Variants in SEMA5A observed in about 807,000 individuals in gnomAD.
The protein encoded by SEMA5A is semaphorin 5A, also known as semaphorin-5A.
Under a neutral mutation model 135.5 loss-of-function variants are expected in SEMA5A, and 55 were observed. The ratio of observed to expected loss-of-function variants is 0.41; its 90% CI spans 0.33 to 0.51. The LOEUF (loss-of-function observed/expected upper bound fraction) is 0.51, where lower values mean the gene tolerates loss of function less well. Among genes scored for constraint, SEMA5A ranks in the 20% least tolerant of loss-of-function variants. The pLI is 0.37. For synonymous variants in SEMA5A, 580 were observed against 546.5 expected, an observed-to-expected ratio of 1.06 and a Z score of -0.85; for missense variants, 1,290 against 1,419.9, an observed-to-expected ratio of 0.91 and a Z score of 1.47.
rs1156627710 is a variant in SEMA5A, at chr5:9,037,674, T to A, written c.*5223A>T. The A allele has an allele frequency of 6.6e-6, 1 of 152,214 alleles. No individual in the cohort carries two copies. Among genetic ancestry groups the A allele is most frequent in the Non-Finnish European group, 1.5e-5 (1 of 68,040 alleles). 9.4% of individuals were successfully genotyped at this position (152,214 alleles called of 1,614,324 possible). On this transcript the variant is annotated 3_prime_UTR_variant, in exon 23 of 23. Coordinates refer to ENST00000382496, the MANE Select transcript of SEMA5A (RefSeq NM_003966.3). ...TACCAAAAGAGAAAAGAAGCAAGGA[T>A]TAAAGCAACATATTTTCCTTTGCTT...
In SEMA5A at chr5:9,223,994, T is replaced by A; in HGVS notation, c.646+680A>T. On this transcript the variant is annotated intron_variant, in intron 8 of 22. Coordinates refer to ENST00000382496, the MANE Select transcript of SEMA5A (RefSeq NM_003966.3). ...TGCATGGATGAAAAGGGGAGAGGGA[T>A]GTGGCTCTTCTTCGAGTGGATGTTG... Among the ~76,000 whole-genome samples, 2 of 152,098 alleles carry A rather than the reference T, an allele frequency of 1.3e-5. 1 individual carries two copies. Among genetic ancestry groups the A allele is most frequent in the South Asian group, 4.1e-4 (2 of 4,824 alleles).
intron 3 of SEMA5A, among the ~76,000 whole-genome samples, chr5:9,379,498 T>C (rs1052782663): frequency 1.3e-5 from 2 of 152,202 alleles, no homozygotes; most frequent in African/African-American, 2.4e-5. Flanking sequence ...CTTGGTTTTG[T>C]TGTTATTTTT....
intron 1 of SEMA5A, chr5:9,511,280 C>T (rs1736194048): frequency 6.6e-6 from 1 of 152,080 alleles, no homozygotes; most frequent in Non-Finnish European, 1.5e-5. Flanking sequence ...ATGTGATGTT[C>T]CTCTTATCTC....
chr5:9,513,532 G>A (rs1005673656), intron 1 of SEMA5A, among the ~76,000 whole-genome samples: 6 of 152,126 alleles, frequency 3.9e-5, no homozygotes, highest in African/African-American at 1.4e-4. Context: ...GGAAAGGTTG[G>A]GAAGAAAGAG....
chr5:9,272,785 G>A (rs1750050719), intron 5 of SEMA5A, among the ~76,000 whole-genome samples: 1 of 152,094 alleles, frequency 6.6e-6, no homozygotes, highest in African/African-American at 2.4e-5. Flanking sequence ...AATGTTAGAA[G>A]GAACACTAAC....
intron 16 of SEMA5A, among the ~76,000 whole-genome samples, chr5:9,097,999 T>G (rs955110959): frequency 3.3e-5 from 5 of 152,050 alleles, no homozygotes; most frequent in Non-Finnish European, 7.4e-5. Context: ...ATCCCAGCAC[T>G]TTGGGAGGCT....
At position 9,201,852 on chromosome 5, in the gene SEMA5A, A is replaced by G. The variant is rs567618847; in HGVS notation, c.932+103T>C. 2.6e-5 allele frequency: 30 copies of G among 1,149,128 alleles called. No individual in the cohort carries two copies. In the South Asian group the frequency reaches 2.9e-4, roughly 11 times the overall value. 71.2% of individuals were successfully genotyped at this position (1,149,128 alleles called of 1,614,324 possible). The stretch of plus-strand genomic sequence containing the variant: ...GTCTGTTAGCCCAGTAAATTAAGAA[A>G]GATTTTCTCTAAAGTAAATTTAAAA... On this transcript the variant is annotated intron_variant, in intron 9 of 22. Transcript: ENST00000382496.
At chr5:9,495,428 A>C (rs1430359122) in intron 1 of SEMA5A, among the ~76,000 whole-genome samples, 2 of 152,202 alleles carry the variant, frequency 1.3e-5, no homozygotes, top group African/African-American at 2.4e-5. Context: ...TACCCACCCA[A>C]GCAAGACAGC....
chr5:9,323,790 T>G (rs1206078868), intron 4 of SEMA5A, among the ~76,000 whole-genome samples: 1 of 151,396 alleles, frequency 6.6e-6, no homozygotes, highest in Admixed American at 6.6e-5. Context: ...GCCTCCCCAG[T>G]AGCCAGGATT....
At chr5:9,069,265 C>A (rs997968740) in intron 16 of SEMA5A, among the ~76,000 whole-genome samples, 1 of 152,194 alleles carries the variant, frequency 6.6e-6, no homozygotes, top group Non-Finnish European at 1.5e-5. Flanking sequence ...GCTAGCCTTG[C>A]GAGCAGGCCT....
chr5:9,444,422 T>C (rs186442910), intron 1 of SEMA5A, among the ~76,000 whole-genome samples: 20 of 152,340 alleles, frequency 1.3e-4, no homozygotes, highest in East Asian at 5.8e-4. Flanking sequence ...CTCCCACTTA[T>C]GAATAAGAAT....
chr5:9,356,272 T>C (rs1046011016), intron 3 of SEMA5A, among the ~76,000 whole-genome samples: 2 of 152,200 alleles, frequency 1.3e-5, no homozygotes, highest in African/African-American at 4.8e-5. Flanking sequence ...TGCCTTCCAG[T>C]CAACCCACGT....
chr5:9,428,789 T>C (rs1204223573), intron 2 of SEMA5A, among the ~76,000 whole-genome samples: 1 of 152,132 alleles, frequency 6.6e-6, no homozygotes, highest in Non-Finnish European at 1.5e-5. Flanking sequence ...TATAGCACAA[T>C]CAGAAGGCTA....
chr5:9,392,686 A>G (rs1186986888), intron 2 of SEMA5A, among the ~76,000 whole-genome samples: 6 of 152,316 alleles, frequency 3.9e-5, no homozygotes, highest in African/African-American at 1.2e-4. Flanking sequence ...ACTGGAGGAC[A>G]GATTTTATTT....
At chr5:9,323,177 A>G (rs1752707074) in intron 4 of SEMA5A, among the ~76,000 whole-genome samples, 2 of 152,220 alleles carry the variant, frequency 1.3e-5, no homozygotes, top group South Asian at 4.1e-4. Context: ...GATAAACTAT[A>G]CAATTATCTC....
chr5:9,419,344 G>A lies in SEMA5A; in HGVS notation c.-78+18412C>T, dbSNP rs747435571. Among the ~76,000 whole-genome samples, 7 of 152,236 alleles carry A rather than the reference G, an allele frequency of 4.6e-5. No homozygotes were observed. The South Asian group carries it at 6.2e-4, about 14-fold the overall frequency. ...CAGATGAGAAAAATGTATATTCTGC[G>A]GTTGTTGGGTGGAGTGTTCTGTAGA... is the stretch of plus-strand genomic sequence containing the variant. On this transcript the variant is annotated intron_variant, in intron 2 of 22. Coordinates refer to ENST00000382496, the MANE Select transcript of SEMA5A (RefSeq NM_003966.3).
At chr5:9,271,437 C>T (rs965913952) in intron 5 of SEMA5A, among the ~76,000 whole-genome samples, 2 of 151,944 alleles carry the variant, frequency 1.3e-5, no homozygotes, top group Admixed American at 6.6e-5. Context: ...AATGTGAAAG[C>T]GACTTTGGAA....
At chr5:9,203,818 T>C (rs1380908145) in intron 8 of SEMA5A, among the ~76,000 whole-genome samples, 1 of 152,146 alleles carries the variant, frequency 6.6e-6, no homozygotes, top group East Asian at 1.9e-4. Flanking sequence ...TAAATGACTG[T>C]TTAAAAAAAA....
chr5:9,296,021 A>G (rs996888620), intron 5 of SEMA5A, among the ~76,000 whole-genome samples: 6 of 152,182 alleles, frequency 3.9e-5, no homozygotes, highest in Non-Finnish European at 8.8e-5. Flanking sequence ...CAGCCAGTGG[A>G]ACAACCAGAT....
Sources: gnomAD v4.1 joint callset for allele counts (sites outside exome capture counted in the v4.1 genomes callset) on GRCh38, gnomAD v4.1.1 for gene constraint, MANE v1.5 for transcripts, NCBI Gene and HGNC (gene_info 2026-07-23, HGNC 2026-07-21) for gene names.